Variants in MS4A13 observed in about 807,000 individuals in gnomAD.
MS4A13 encodes membrane-spanning 4-domains subfamily A member 13.
In MS4A13, 21 loss-of-function variants were observed where a neutral mutation model predicts 18.4. That is an observed-to-expected ratio of 1.14 (90% CI 0.81 to 1.64). MS4A13 has a LOEUF of 1.64. Among genes scored for constraint, MS4A13 ranks in the 40% most tolerant of loss-of-function variants. The pLI is 0.00. For synonymous variants in MS4A13, 62 were observed against 57.2 expected (o/e 1.08, Z -0.38); for missense variants, 173 against 176.8 (o/e 0.98, Z 0.12).
chr11:60,527,398 C>CTGTGTG (rs1565212696), intron 5 of MS4A13, among the ~76,000 whole-genome samples: 277 of 93,086 alleles, frequency 3.0e-3, no homozygotes, highest in East Asian at 0.01. Context: ...CTCTCTCTCT[C>CTGTGTG]TCTCTCTCTC....
chr11:60,533,498 G>A (rs1457134455), intron 6 of MS4A13, among the ~76,000 whole-genome samples: 1 of 108,946 alleles, frequency 9.2e-6, no homozygotes, highest in African/African-American at 3.7e-5. Flanking sequence ...AATGAGCAAA[G>A]CCTCCAAGAA....
chr11:60,523,945 C>T lies in MS4A13; in HGVS notation c.178C>T (p.Arg60Ter), dbSNP rs182330713. ...FLIRVTKYPT[R>*]SGIISTLIIN... ...AATAAGAGTAACAAAGTATCCGACT[C>T]GATCTGGAGTAAGTTGAAATGTTTG... Residue 60 changes from arginine (R) to a stop codon, truncating the protein, a stop_gained, in exon 4 of 7, where the codon CGA (arginine) becomes TGA (stop). Coordinates refer to ENST00000378186, the MANE Select transcript of MS4A13 (RefSeq NM_001012417.3). LOFTEE classifies it high-confidence loss of function. The T allele has an allele frequency of 4.6e-6, 7 of 1,525,728 alleles. No individual in the cohort carries two copies. The highest frequency in any genetic ancestry group is 2.3e-5 in the East Asian group (1 of 44,362). 94.5% of individuals were successfully genotyped at this position (1,525,728 alleles called of 1,614,324 possible). A position where few individuals can be genotyped will look rare whatever the true frequency, so the allele number is the denominator to read the frequency against.
At chr11:60,520,462 C>T (rs890832822) in intron 3 of MS4A13, among the ~76,000 whole-genome samples, 5 of 152,180 alleles carry the variant, frequency 3.3e-5, no homozygotes, top group African/African-American at 1.2e-4. Flanking sequence ...AATGGGGGTA[C>T]AGGCTTGAGT....
At chr11:60,527,410 C>CTGTGTGTGTGTGTGTG (rs1224398821) in intron 5 of MS4A13, among the ~76,000 whole-genome samples, 486 of 28,776 alleles carry the variant, frequency 0.017, 32 homozygotes, top group East Asian at 0.051. Flanking sequence ...CTCTCTCTCT[C>CTGTGTGTGTGTGTGTG]TGTGTGTGTG....
intron 5 of MS4A13, among the ~76,000 whole-genome samples, chr11:60,528,329 A>T (rs1183101761): frequency 6.6e-6 from 1 of 152,220 alleles, no homozygotes; most frequent in Non-Finnish European, 1.5e-5. Context: ...CGTTTTTCTC[A>T]GTCCTACCCT....
chr11:60,541,258 T>G (rs2086855882), intron 6 of MS4A13, among the ~76,000 whole-genome samples: 1 of 152,198 alleles, frequency 6.6e-6, no homozygotes, highest in Non-Finnish European at 1.5e-5. Flanking sequence ...GATCAGTAAT[T>G]TAAGTCTTTG....
intron 6 of MS4A13, among the ~76,000 whole-genome samples, chr11:60,532,418 C>T (rs949919420): frequency 6.6e-6 from 1 of 152,192 alleles, no homozygotes; most frequent in Admixed American, 6.5e-5. Context: ...GACGGACGCA[C>T]CTGGAAAATC....
chr11:60,540,997 C>T (rs1001953393), intron 6 of MS4A13, among the ~76,000 whole-genome samples: 5 of 149,514 alleles, frequency 3.3e-5, no homozygotes, highest in Admixed American at 1.3e-4. Context: ...ACACATGAGA[C>T]GTGTATAAAA....
intron 3 of MS4A13, among the ~76,000 whole-genome samples, chr11:60,521,824 T>C (rs2086675832): frequency 6.6e-6 from 1 of 152,196 alleles, no homozygotes; most frequent in Admixed American, 6.5e-5. Flanking sequence ...TTTATTGTAA[T>C]AGTCCATTTT....
chr11:60,530,841 A>C (rs1412873045), intron 6 of MS4A13, among the ~76,000 whole-genome samples: 1 of 152,106 alleles, frequency 6.6e-6, no homozygotes, highest in African/African-American at 2.4e-5. Flanking sequence ...TTCTCATGAG[A>C]TCTGATAGTT....
rs1339810522 is a variant in MS4A13, at chr11:60,529,459, T to C, written c.401T>C (p.Leu134Ser). ...LTHSIYSCSNLFRRQNDLTSV... is the reference protein window; with the variant it reads ...LTHSIYSCSNSFRRQNDLTSV... ...CACTCAATATACAGCTGTTCCAATTTGGTAAGTGTTTACCCACTCTCTGGC... is the reference window on the plus strand; with the variant it reads ...CACTCAATATACAGCTGTTCCAATTCGGTAAGTGTTTACCCACTCTCTGGC... Residue 134 changes from leucine to serine, a missense_variant and splice_region_variant, in exon 6 of 7, where the codon TTG becomes TCG. Transcript: ENST00000378186. 3 of 1,579,452 alleles carry C rather than the reference T, an allele frequency of 1.9e-6. No homozygotes were observed. The Admixed American group carries it at 5.3e-5, about 28-fold the overall frequency.
chr11:60,517,934 C>G (rs1276760577), intron 2 of MS4A13, 138 bp from the exon 3 acceptor site: 4 of 597,450 alleles, frequency 6.7e-6, no homozygotes, highest in Non-Finnish European at 1.1e-5. Flanking sequence ...ATAACCAATC[C>G]AGGAAATACA....
At chr11:60,522,622 A>G (rs4939390) in intron 3 of MS4A13, among the ~76,000 whole-genome samples, 145,280 of 152,156 alleles carry the variant, frequency 0.95, 69,723 homozygotes, top group East Asian at 1. Context: ...ACATACACTA[A>G]TTCATAAGTG....
chr11:60,530,441 G>C lies in MS4A13; in HGVS notation c.402+981G>C, dbSNP rs2086756917. 9.2e-5 allele frequency among the ~76,000 whole-genome samples: 14 copies of C among 152,286 alleles called. 1 individual carries two copies. The South Asian group carries it at 2.9e-3, about 32-fold the overall frequency. ...ACAGAAACAACTATAAGACTACATG[G>C]TAAAAGGATTTCTGAAGAGAGGGAA... On this transcript the variant is annotated intron_variant, in intron 6 of 6. Coordinates refer to ENST00000378186, the MANE Select transcript of MS4A13 (RefSeq NM_001012417.3).
intron 6 of MS4A13, among the ~76,000 whole-genome samples, chr11:60,535,370 C>A: frequency 1.0e-5 from 1 of 96,848 alleles, no homozygotes; most frequent in African/African-American, 4.3e-5. Context: ...GAAATACAAA[C>A]TACCATCAGA....
At chr11:60,524,351 G>A (rs367577242) in intron 4 of MS4A13, among the ~76,000 whole-genome samples, 2 of 152,242 alleles carry the variant, frequency 1.3e-5, no homozygotes, top group African/African-American at 4.8e-5. Context: ...TACAGAATTG[G>A]TCCAGATTAA....
chr11:60,538,728 C>T (rs1212081096), intron 6 of MS4A13, among the ~76,000 whole-genome samples: 1 of 145,686 alleles, frequency 6.9e-6, no homozygotes, highest in East Asian at 2.0e-4. Flanking sequence ...GGGGTTACTC[C>T]TATCACTATG....
chr11:60,524,087 G>T, intron 4 of MS4A13, 134 bp downstream of exon 4: 1 of 563,400 alleles, frequency 1.8e-6, no homozygotes, highest in Non-Finnish European at 3.1e-6. Context: ...AATTAAGAAT[G>T]AATCTAGAAG....
At chr11:60,542,451 G>C (rs945058706) in intron 6 of MS4A13, 68 bp from the exon 7 acceptor site, 1 of 1,054,462 alleles carries the variant, frequency 9.5e-7, no homozygotes, top group Non-Finnish European at 1.4e-6. Flanking sequence ...TTAAGAAAAA[G>C]ATCTATTTAT....
Sources: allele counts gnomAD v4.1 joint callset (sites outside exome capture counted in the v4.1 genomes callset), GRCh38; gene constraint gnomAD v4.1.1; transcripts MANE v1.5; gene names NCBI Gene and HGNC (gene_info 2026-07-23, HGNC 2026-07-21).